POLR3A: variants seen among roughly 807,000 people sequenced by gnomAD.
The protein encoded by POLR3A is RNA polymerase III subunit A, also known as DNA-directed RNA polymerase III subunit RPC1.
Under a neutral mutation model 152.8 loss-of-function variants are expected in POLR3A, and 112 were observed. The ratio of observed to expected loss-of-function variants is 0.73; its 90% confidence interval spans 0.63 to 0.86. POLR3A has a LOEUF of 0.86. POLR3A is among the 40% of genes least tolerant of loss of function. The pLI is 0.00. For synonymous variants in POLR3A, 615 were observed against 652.1 expected, an observed-to-expected ratio of 0.94 and a Z score of 0.87; for missense variants, 1,385 against 1,743.1, an observed-to-expected ratio of 0.79 and a Z score of 3.66.
chr10:77,993,262 C>G lies in POLR3A; in HGVS notation c.2722G>C (p.Asp908His). ...IQFIYGGDGL[D>H]PAAMEGKDEP... ...TCTTTTCCCTCCATAGCTGCAGGAT[C>G]TAAGCCATCTCCTCCATAAATGAAC... is the stretch of plus-strand genomic sequence containing the variant. Residue 908 changes from aspartate to histidine, a missense_variant, in exon 20 of 31, where the codon GAT (aspartate) becomes CAT (histidine). By Grantham distance (81) the Asp-to-His change is moderately conservative. Transcript: ENST00000372371. 6.2e-7 allele frequency: 1 copy of G among 1,613,430 alleles called. No homozygotes were observed. Among genetic ancestry groups the G allele is most frequent in the Non-Finnish European group, 8.5e-7 (1 of 1,179,368 alleles).
rs893498398 is a variant in POLR3A at position 78,026,226 on chromosome 10, G to A, written c.48C>T (p.Ser16=). The change falls in exon 2 of 31, where the codon AGC becomes AGT. Residue 16 remains serine, a synonymous_variant. Coordinates refer to ENST00000372371, the MANE Select transcript of POLR3A (RefSeq NM_007055.4). ...FRETDVAKKI[S]HICFGMKSPE... ...GTGACTTCATTCCAAAACAGATGTGGCTTCTGGAATGGGAAGAAAAAGGTG... is the reference window on the plus strand; with the variant it reads ...GTGACTTCATTCCAAAACAGATGTGACTTCTGGAATGGGAAGAAAAAGGTG... 2 of 1,614,090 alleles carry A rather than the reference G, an allele frequency of 1.2e-6. No individual in the cohort carries two copies. The highest frequency in any genetic ancestry group is 1.3e-5 in the African/African-American group (1 of 74,936).
In POLR3A at chr10:78,000,105, T is replaced by C; in HGVS notation, c.2492A>G (p.Lys831Arg). The C allele has an allele frequency of 6.2e-7, 1 of 1,614,030 alleles. No individual in the cohort carries two copies. The highest frequency in any genetic ancestry group is 8.5e-7 in the Non-Finnish European group (1 of 1,179,992). The change falls in exon 19 of 31, where the codon AAA becomes AGA. Residue 831 changes from lysine (K) to arginine (R), a missense_variant. Physicochemically the swap from Lys to Arg is conservative, Grantham distance 26. Coordinates refer to ENST00000372371, the MANE Select transcript of POLR3A (RefSeq NM_007055.4). ...FEKHSKLPAA[K>R]GFVANSFYSG... ...ATAAAAGCTATTAGCCACAAAGCCTTTGGCAGCTGGGAGCTAAAGAGAGGT... is the reference window on the plus strand; with the variant it reads ...ATAAAAGCTATTAGCCACAAAGCCTCTGGCAGCTGGGAGCTAAAGAGAGGT...
chr10:78,001,044 TG>T lies in POLR3A; in HGVS notation c.2409del (p.Ile804SerfsTer39), dbSNP rs1847352069. The T allele has an allele frequency of 1.2e-6, 2 of 1,612,316 alleles. No individual in the cohort carries two copies. The highest frequency in any genetic ancestry group is 1.7e-6 in the Non-Finnish European group (2 of 1,178,638). ...CCGTCTGGCACTCGAGAGCCACTGATGGCCTGCTGTCCCACACAGGCAATCA... is the reference window on the plus strand; with the variant it reads ...CCGTCTGGCACTCGAGAGCCACTGATGCCTGCTGTCCCACACAGGCAATCA... Reference protein sequence around the residue: ...SQMIACVGQQAISGSRVPDGF... With the variant: ...SQMIACVGQQXISGSRVPDGF... On this transcript the variant is annotated frameshift_variant, in exon 18 of 31. Coordinates refer to ENST00000372371, the MANE Select transcript of POLR3A (RefSeq NM_007055.4). LOFTEE classifies it high-confidence loss of function.
chr10:77,987,419 G>A (rs994682503), intron 21 of POLR3A, among the ~76,000 whole-genome samples: 1 of 152,082 alleles, frequency 6.6e-6, no homozygotes, highest in Non-Finnish European at 1.5e-5. Flanking sequence ...GAGTACAGAT[G>A]CCCACACATG....
Position 78,029,482 on chromosome 10 carries a change from G to T in POLR3A, c.-75C>A. 1 of 1,510,874 alleles carries T rather than the reference G, an allele frequency of 6.6e-7. No individual in the cohort carries two copies. The allele number at this position is 1,510,874 out of a possible 1,614,324, so 93.6% of individuals were successfully genotyped here. On this transcript the variant is annotated 5_prime_UTR_variant, in exon 1 of 31. Transcript: ENST00000372371. ...GAAACGATGCCCCCAGCACCTCCTGGGGCTGCTTCTGGACTCGCCGCTAAC... is the reference window on the plus strand; with the variant it reads ...GAAACGATGCCCCCAGCACCTCCTGTGGCTGCTTCTGGACTCGCCGCTAAC...
intron 5 of POLR3A, 134 bp downstream of exon 5, chr10:78,024,415 T>A: frequency 2.8e-6 from 2 of 708,230 alleles, no homozygotes; most frequent in Non-Finnish European, 5.0e-6. Context: ...CTGTCGAACC[T>A]AACTGGACCT....
chr10:77,993,864 A>C (rs546350265), intron 19 of POLR3A, among the ~76,000 whole-genome samples: 1 of 152,262 alleles, frequency 6.6e-6, no homozygotes, highest in African/African-American at 2.4e-5. Context: ...GGCAGCAATG[A>C]CTTCTCAAAT....
At chr10:77,982,575 A>G in intron 27 of POLR3A, 78 bp downstream of exon 27, 2 of 1,327,346 alleles carry the variant, frequency 1.5e-6, no homozygotes, top group Non-Finnish European at 2.2e-6. Flanking sequence ...ACTAAGTGAC[A>G]AAGCCCTTAG....
chr10:77,994,622 A>G (rs2131937971), intron 19 of POLR3A, among the ~76,000 whole-genome samples: 1 of 152,330 alleles, frequency 6.6e-6, no homozygotes, highest in East Asian at 1.9e-4. Flanking sequence ...AAAAGAATAA[A>G]AAGAAATGAA....
At chr10:78,008,791 C>T (rs970869596) in intron 14 of POLR3A, among the ~76,000 whole-genome samples, 1 of 150,336 alleles carries the variant, frequency 6.7e-6, no homozygotes, top group African/African-American at 2.5e-5. Context: ...GGGACGATTG[C>T]TTGAGCCTAG....
rs1308030783 is a variant in POLR3A at position 78,013,769 on chromosome 10, TC to T, written c.1452del (p.Thr485ProfsTer21). On this transcript the variant is annotated frameshift_variant, in exon 11 of 31. Transcript: ENST00000372371. LOFTEE classifies it high-confidence loss of function. ...CAGACACACTCATTAAATCTGAAGGTCCGGTGGGGCTTGACCCTGGCCTGTG... is the reference window on the plus strand; with the variant it reads ...CAGACACACTCATTAAATCTGAAGGTCGGTGGGGCTTGACCCTGGCCTGTG... ...MAHLARVKPH[R>X]TFRFNECVCT... is the part of the protein sequence containing the mutation. The T allele has an allele frequency of 6.2e-7, 1 of 1,614,144 alleles. No homozygotes were observed. Among genetic ancestry groups the T allele is most frequent in the Non-Finnish European group, 8.5e-7 (1 of 1,180,014 alleles).
At chr10:78,016,931 A>T in intron 10 of POLR3A, among the ~76,000 whole-genome samples, 1 of 152,024 alleles carries the variant, frequency 6.6e-6, no homozygotes. Context: ...GTTTGTGCAC[A>T]CAACACATAT....
intron 30 of POLR3A, among the ~76,000 whole-genome samples, chr10:77,978,953 C>T (rs554969201): frequency 5.9e-5 from 9 of 152,078 alleles, no homozygotes; most frequent in Admixed American, 1.3e-4. Context: ...TGAGCCACCG[C>T]GCCCGGCCCA....
At chr10:78,008,728 G>C (rs562514223) in intron 14 of POLR3A, among the ~76,000 whole-genome samples, 1 of 152,182 alleles carries the variant, frequency 6.6e-6, no homozygotes, top group African/African-American at 2.4e-5. Flanking sequence ...TCCTTTCCCT[G>C]GCTGGGTGAG....
In POLR3A at chr10:77,985,190, G is replaced by T; in HGVS notation, c.3222C>A (p.Ile1074=). 6.2e-7 allele frequency: 1 copy of T among 1,614,062 alleles called. No homozygotes were observed. Among genetic ancestry groups the T allele is most frequent in the Non-Finnish European group, 8.5e-7 (1 of 1,179,884 alleles). The change falls in exon 24 of 31, where the codon ATC becomes ATA. Residue 1074 remains isoleucine, a synonymous_variant. Coordinates refer to ENST00000372371, the MANE Select transcript of POLR3A (RefSeq NM_007055.4). The stretch of plus-strand genomic sequence containing the variant: ...GGCACCTGATGGCCTTGGAAGCGTT[G>T]ATGATCTCTTTAATCCGGGGCACGC... ...TLGVPRIKEI[I]NASKAISTPI... is the part of the protein sequence containing the mutation.
intron 10 of POLR3A, among the ~76,000 whole-genome samples, chr10:78,016,875 A>AAG (rs1211057066): frequency 9.6e-4 from 145 of 150,544 alleles, no homozygotes; most frequent in African/African-American, 3.4e-3. Flanking sequence ...CTGTCTCCAA[A>AAG]AAAAAAAAAA....
intron 14 of POLR3A, 150 bp from the exon 15 acceptor site, chr10:78,008,016 AGGGAGGGG>A: frequency 6.8e-6 from 1 of 147,724 alleles, no homozygotes; most frequent in Non-Finnish European, 1.3e-5. Context: ...TTTTGGGGGG[AGGGAGGGG>A]GGGTTAAAGG....
intron 17 of POLR3A, 44 bp downstream of exon 17, chr10:78,002,153 T>G: frequency 8.2e-7 from 1 of 1,220,952 alleles, no homozygotes; most frequent in Non-Finnish European, 1.2e-6. Flanking sequence ...AAACAGCCTG[T>G]ACGGAGAACA....
At chr10:78,017,535 T>C in intron 10 of POLR3A, 40 bp downstream of exon 10, 1 of 1,609,708 alleles carries the variant, frequency 6.2e-7, no homozygotes. Flanking sequence ...TCATGGCAAA[T>C]TTCTACGTGA....
Sources: gnomAD v4.1 joint callset for allele counts (sites outside exome capture counted in the v4.1 genomes callset) on GRCh38, gnomAD v4.1.1 for gene constraint, MANE v1.5 for transcripts, NCBI Gene and HGNC (gene_info 2026-07-23, HGNC 2026-07-21) for gene names.